The following ERAP1 variants were observed in gnomAD, a reference collection of about 807,000 sequenced individuals.
ERAP1 encodes endoplasmic reticulum aminopeptidase 1, also known as adipocyte-derived leucine aminopeptidase.
A neutral mutation model predicts 103.7 loss-of-function variants in ERAP1; 86 were observed. That is an observed-to-expected ratio of 0.83 (90% CI 0.70 to 0.99). ERAP1 has a LOEUF of 0.99. ERAP1 is among the 50% of genes least tolerant of loss of function. The pLI is 0.00. For missense variants in ERAP1, 1,009 were observed against 1,128.4 expected (o/e 0.89, Z 1.52); for synonymous variants, 398 against 402.4 (o/e 0.99, Z 0.13).
the ERAP1 span, among the ~76,000 whole-genome samples, chr5:96,915,112 A>G: frequency 6.6e-6 from 1 of 151,436 alleles, no homozygotes; most frequent in Non-Finnish European, 1.5e-5. Context: ...GGTTCAAGTG[A>G]CTCTCCTGCC....
At chr5:96,894,207 A>G in the ERAP1 span, among the ~76,000 whole-genome samples, 3 of 152,226 alleles carry the variant, frequency 2.0e-5, no homozygotes, top group Non-Finnish European at 2.9e-5. Flanking sequence ...ATGAATGAAT[A>G]AACTAGTCTT....
At chr5:96,833,504 T>C in the ERAP1 span, among the ~76,000 whole-genome samples, 1 of 152,236 alleles carries the variant, frequency 6.6e-6, no homozygotes, top group East Asian at 1.9e-4. Context: ...GACATATATA[T>C]TCTCAATCAT....
At chr5:96,873,771 T>C in the ERAP1 span, 1 of 278,930 alleles carries the variant, frequency 3.6e-6, no homozygotes, top group East Asian at 8.6e-5. Context: ...TGGCAGGCTC[T>C]GCTCTATACT....
chr5:96,787,789 T>TAC (rs1776236325), intron 11 of ERAP1, among the ~76,000 whole-genome samples: 1 of 147,894 alleles, frequency 6.8e-6, no homozygotes. Context: ...ATATATTATA[T>TAC]ATATATATGT....
At chr5:96,839,311 C>A in the ERAP1 span, among the ~76,000 whole-genome samples, 1 of 152,196 alleles carries the variant, frequency 6.6e-6, no homozygotes, top group Non-Finnish European at 1.5e-5. Flanking sequence ...CCCTCCCCAC[C>A]ACCCCCCAGA....
the ERAP1 span, among the ~76,000 whole-genome samples, chr5:96,900,864 A>C: frequency 6.6e-6 from 1 of 152,090 alleles, no homozygotes. Flanking sequence ...TTTTCAGTAG[A>C]GATGGGGTTT....
chr5:96,823,396 G>A, the ERAP1 span, among the ~76,000 whole-genome samples: 20 of 152,154 alleles, frequency 1.3e-4, 1 homozygote, highest in African/African-American at 2.4e-4. Flanking sequence ...CATTTCCACC[G>A]CCATCCTCCT....
At chr5:96,864,440 T>A in the ERAP1 span, among the ~76,000 whole-genome samples, 1 of 152,220 alleles carries the variant, frequency 6.6e-6, no homozygotes, top group African/African-American at 2.4e-5. Context: ...CAAAATGACA[T>A]GTTTCTTAGT....
At chr5:96,915,895 C>A in the ERAP1 span, 1 of 716,844 alleles carries the variant, frequency 1.4e-6, no homozygotes, top group Non-Finnish European at 2.2e-6. Context: ...TTGTCCAATG[C>A]CATATAGCAA....
the ERAP1 span, among the ~76,000 whole-genome samples, chr5:96,904,934 C>T: frequency 4.6e-4 from 70 of 152,276 alleles, no homozygotes; most frequent in African/African-American, 1.7e-3. Context: ...AAGAAGATTT[C>T]AGGTATTACC....
downstream of ERAP1, chr5:96,770,311 C>T (rs1339303606): frequency 2.0e-6 from 1 of 509,756 alleles, no homozygotes; most frequent in Non-Finnish European, 3.6e-6. Flanking sequence ...GCATCAATGT[C>T]ACCCACATTT....
At chr5:96,861,686 A>C in the ERAP1 span, among the ~76,000 whole-genome samples, 1 of 152,298 alleles carries the variant, frequency 6.6e-6, no homozygotes, top group Middle Eastern at 3.4e-3. Flanking sequence ...ACACTTTAAG[A>C]CAGGTATTTT....
intron 19 of ERAP1, chr5:96,766,245 A>G: frequency 3.0e-6 from 2 of 673,714 alleles, no homozygotes; most frequent in South Asian, 1.8e-5. Flanking sequence ...TTACAATAGC[A>G]TAAAACATAC....
chr5:96,867,871 C>T, the ERAP1 span, among the ~76,000 whole-genome samples: 1 of 152,156 alleles, frequency 6.6e-6, no homozygotes, highest in African/African-American at 2.4e-5. Context: ...GTCAGGAGTT[C>T]AAGACTAGCC....
At chr5:96,909,982 C>G in the ERAP1 span, 2 of 451,228 alleles carry the variant, frequency 4.4e-6, no homozygotes, top group Non-Finnish European at 8.0e-6. Context: ...TATTCCGGTG[C>G]TGGCTGGATG....
chr5:96,891,934 C>T, the ERAP1 span, among the ~76,000 whole-genome samples: 4 of 151,938 alleles, frequency 2.6e-5, no homozygotes, highest in Non-Finnish European at 4.4e-5. Flanking sequence ...TTATTTGATA[C>T]CCTTTTTAAA....
chr5:96,785,969 C>T lies in ERAP1; in HGVS notation c.1762G>A (p.Val588Met). 6.2e-7 allele frequency: 1 copy of T among 1,613,926 alleles called. No individual in the cohort carries two copies. Among genetic ancestry groups the T allele is most frequent in the East Asian group, 2.2e-5 (1 of 44,878 alleles). Residue 588 changes from valine (V) to methionine (M), a missense_variant and splice_region_variant, in exon 13 of 19, where the codon GTG (valine) becomes ATG (methionine). By Grantham distance (21) the Val-to-Met change is conservative (BLOSUM62 1). This residue lies in a region of ERAP1 where 611 missense variants were observed against 651.7 expected (regional missense o/e 0.94). Transcript: ENST00000443439. ...TCCACCTCTTCTGGGAGGATGAGCACATCTAGAGTAAATAAAATAAATCAA... is the reference window on the plus strand; with the variant it reads ...TCCACCTCTTCTGGGAGGATGAGCATATCTAGAGTAAATAAAATAAATCAA... ...HRFLLKTKTD[V>M]LILPEEVEWI... is the part of the protein sequence containing the mutation.
the ERAP1 span, chr5:96,889,355 C>T: frequency 3.1e-6 from 5 of 1,597,328 alleles, no homozygotes; most frequent in East Asian, 8.9e-5. Flanking sequence ...ATAAAACTTG[C>T]TTTGATCTCT....
At chr5:96,786,619 C>T in intron 11 of ERAP1, 70 bp from the exon 12 acceptor site, 1 of 1,023,752 alleles carries the variant, frequency 9.8e-7, no homozygotes, top group Non-Finnish European at 1.5e-6. Flanking sequence ...AATCACCTAT[C>T]ATGTGCCAGG....
Sources: allele counts gnomAD v4.1 joint callset (sites outside exome capture counted in the v4.1 genomes callset), GRCh38; gene constraint gnomAD v4.1.1; regional missense constraint gnomAD v4.1.1; transcripts MANE v1.5; gene names NCBI Gene and HGNC (gene_info 2026-07-23, HGNC 2026-07-21).